The following OSBPL5 variants were observed in gnomAD, a reference collection of about 807,000 sequenced individuals.
The protein encoded by OSBPL5 is oxysterol-binding protein-related protein 5.
Under a neutral mutation model 111.2 loss-of-function variants are expected in OSBPL5, and 71 were observed. The observed-to-expected ratio is 0.64, with a 90% CI of 0.53 to 0.78. OSBPL5 has a LOEUF of 0.78. OSBPL5 is among the 30% of genes least tolerant of loss of function. The probability of loss-of-function intolerance (pLI) is 0.00; values close to 1 mark genes in which losing one functional copy is unlikely to be tolerated. For missense variants in OSBPL5, 1,210 were observed against 1,189.3 expected, an observed-to-expected ratio of 1.02 and a Z score of -0.26; for synonymous variants, 549 against 513.9, an observed-to-expected ratio of 1.07 and a Z score of -0.93.
chr11:3,122,217 G>A, intron 4 of OSBPL5, 119 bp from the exon 5 acceptor site: 1 of 1,324,628 alleles, frequency 7.5e-7, no homozygotes, highest in Non-Finnish European at 1.0e-6. Flanking sequence ...GTAGGAGGAA[G>A]TAGGGGGTGT....
rs772435122 is a variant in OSBPL5, at chr11:3,092,973, C to T, written c.2026G>A (p.Ala676Thr). ...CGCTCACGGGCCCGCTGCCGCTGTGCCTCCTCCAGTGCAAACTTCTCCTGT... is the reference window on the plus strand; with the variant it reads ...CGCTCACGGGCCCGCTGCCGCTGTGTCTCCTCCAGTGCAAACTTCTCCTGT... ...ATQEKFALEEAQRQRARERQE... is the reference protein window; with the variant it reads ...ATQEKFALEETQRQRARERQE... The change falls in exon 18 of 22, where the codon GCA becomes ACA. Residue 676 changes from alanine (A) to threonine (T), a missense_variant. Coordinates refer to ENST00000263650, the MANE Select transcript of OSBPL5 (RefSeq NM_020896.4). This position sits in a 1 kb window ranked among gnomAD's most constrained non-coding sequence, Gnocchi z 5.4. 8 of 1,601,708 alleles carry T rather than the reference C, an allele frequency of 5.0e-6. No homozygotes were observed. The South Asian group carries it at 5.7e-5, about 11-fold the overall frequency.
chr11:3,153,308 G>T (rs773405182), intron 1 of OSBPL5, among the ~76,000 whole-genome samples: 40 of 152,292 alleles, frequency 2.6e-4, no homozygotes, highest in Non-Finnish European at 5.4e-4. Flanking sequence ...ATCAAAATTA[G>T]CTGTTATAAT....
chr11:3,088,053 C>A lies in OSBPL5; in HGVS notation c.*152G>T, dbSNP rs1350467268. On this transcript the variant is annotated 3_prime_UTR_variant, in exon 22 of 22. Coordinates refer to ENST00000263650, the MANE Select transcript of OSBPL5 (RefSeq NM_020896.4). ...GGGCCCAGCACACCTGGGCCCGCAG[C>A]GCCTTGTGGCCCCGGGTCCCTCCTG... 1.0e-5 allele frequency: 6 copies of A among 601,432 alleles called. No individual in the cohort carries two copies. The highest frequency in any genetic ancestry group is 3.0e-5 in the South Asian group (1 of 33,176). 37.3% of individuals were successfully genotyped at this position (601,432 alleles called of 1,614,324 possible).
intron 17 of OSBPL5, 194 bp downstream of exon 17, chr11:3,093,333 C>T: frequency 3.2e-6 from 3 of 944,572 alleles, no homozygotes; most frequent in Non-Finnish European, 4.6e-6. Context: ...CAGCCGGCTC[C>T]TCTCCAGGCC....
intron 1 of OSBPL5, among the ~76,000 whole-genome samples, chr11:3,132,919 G>A (rs1388467407): frequency 6.6e-6 from 1 of 152,218 alleles, no homozygotes; most frequent in African/African-American, 2.4e-5. Context: ...GATTCACACA[G>A]GCTGCCTGTC....
In OSBPL5 at chr11:3,112,051, G is replaced by GCGCGCA. The variant is rs1457270348; in HGVS notation, c.692-4107_692-4106insTGCGCG. 1.3e-4 allele frequency among the ~76,000 whole-genome samples: 7 copies of GCGCGCA among 55,916 alleles called. No individual in the cohort carries two copies. In the South Asian group the frequency reaches 4.6e-3, roughly 37 times the overall value. 36.7% of individuals were successfully genotyped at this position (55,916 alleles called of 152,430 possible). A position where few individuals can be genotyped will look rare whatever the true frequency, so the allele number is the denominator to read the frequency against. The stretch of plus-strand genomic sequence containing the variant: ...TGTGTGTGTATGTGTGCGCGCATGT[G>GCGCGCA]TGTGCATGTGTATGTGTGTGTGCAT... On this transcript the variant is annotated intron_variant, in intron 7 of 21. Coordinates refer to ENST00000263650, the MANE Select transcript of OSBPL5 (RefSeq NM_020896.4).
chr11:3,129,648 T>A (rs1273089823), intron 1 of OSBPL5, among the ~76,000 whole-genome samples: 1 of 152,010 alleles, frequency 6.6e-6, no homozygotes, highest in African/African-American at 2.4e-5. Flanking sequence ...GCTGGCACGG[T>A]GTTGGGCAGT....
At position 3,094,168 on chromosome 11, in the gene OSBPL5, T is replaced by C. The variant is rs572884358; in HGVS notation, c.1719+69A>G. 6.6e-4 allele frequency: 943 copies of C among 1,438,308 alleles called. 1 individual carries two copies. Among genetic ancestry groups the C allele is most frequent in the Non-Finnish European group, 8.4e-4 (873 of 1,039,980 alleles). The allele number at this position is 1,438,308 out of a possible 1,614,324, so 89.1% of individuals were successfully genotyped here. On this transcript the variant is annotated intron_variant, in intron 15 of 21. Coordinates refer to ENST00000263650, the MANE Select transcript of OSBPL5 (RefSeq NM_020896.4). ...AACCTTCCTTGGGGCCTGGGGAGAG[T>C]GTGAGGGGGATCCCCAAGGCTTCGT...
chr11:3,157,890 C>T (rs778112456), intron 1 of OSBPL5, among the ~76,000 whole-genome samples: 4 of 152,222 alleles, frequency 2.6e-5, no homozygotes, highest in African/African-American at 4.8e-5. Context: ...CTGACATCCT[C>T]GACCACGGCA....
At chr11:3,089,244 C>T (rs1856976759) in intron 21 of OSBPL5, among the ~76,000 whole-genome samples, 1 of 152,252 alleles carries the variant, frequency 6.6e-6, no homozygotes, top group Admixed American at 6.5e-5. Flanking sequence ...CTATCAAGCC[C>T]ACTTTACAGA....
chr11:3,103,789 TTCCTGCCTCTGCAGCCCTC>T (rs1357316751), intron 10 of OSBPL5, among the ~76,000 whole-genome samples: 2,487 of 39,876 alleles, frequency 0.062, 50 homozygotes, highest in Non-Finnish European at 0.1. Context: ...CTGCAGTCCC[TTCCTGCCTCTGCAGCCCTC>T]TTCCTGCCTG....
chr11:3,107,534 T>A lies in OSBPL5; in HGVS notation c.867-79A>T. On this transcript the variant is annotated intron_variant, in intron 8 of 21. Coordinates refer to ENST00000263650, the MANE Select transcript of OSBPL5 (RefSeq NM_020896.4). The surrounding 1 kb of genome is among the most constrained non-coding windows in gnomAD (Gnocchi z 6.1). ...GCCCTCTGGGCTGCCCACCCCTCGC[T>A]GCTCCGCACTTCACATACGTTCCTG... 6.6e-7 allele frequency: 1 copy of A among 1,504,338 alleles called. No homozygotes were observed. Among genetic ancestry groups the A allele is most frequent in the Non-Finnish European group, 9.1e-7 (1 of 1,093,646 alleles). 93.2% of individuals were successfully genotyped at this position (1,504,338 alleles called of 1,614,324 possible). A position where few individuals can be genotyped will look rare whatever the true frequency, so the allele number is the denominator to read the frequency against.
At chr11:3,095,487 G>A (rs1485997109) in intron 14 of OSBPL5, among the ~76,000 whole-genome samples, 1 of 152,164 alleles carries the variant, frequency 6.6e-6, no homozygotes, top group Non-Finnish European at 1.5e-5. Context: ...AGGGCAGAAG[G>A]AAGAATACCA....
chr11:3,151,785 G>A (rs575743928), intron 1 of OSBPL5, among the ~76,000 whole-genome samples: 2 of 152,372 alleles, frequency 1.3e-5, no homozygotes, highest in Admixed American at 1.3e-4. Flanking sequence ...ACACAGCCAC[G>A]CTGTGCTGGG....
At position 3,110,356 on chromosome 11, in the gene OSBPL5, A is replaced by G. The variant is rs1346091547; in HGVS notation, c.692-2411T>C. Reference sequence around the variant, plus strand: ...CCTCAGGTTAGAGGGAGGAACGGCCAAGAGGGAATCCCTCCAGGTGGAGGA... The same window carrying G: ...CCTCAGGTTAGAGGGAGGAACGGCCGAGAGGGAATCCCTCCAGGTGGAGGA... On this transcript the variant is annotated intron_variant, in intron 7 of 21. Coordinates refer to ENST00000263650, the MANE Select transcript of OSBPL5 (RefSeq NM_020896.4). This position sits in a 1 kb window ranked among gnomAD's most constrained non-coding sequence, Gnocchi z 5.3. Among the ~76,000 whole-genome samples the G allele has an allele frequency of 6.6e-6, 1 of 152,226 alleles. No homozygotes were observed. The highest frequency in any genetic ancestry group is 1.5e-5 in the Non-Finnish European group (1 of 68,028).
rs1298181953 is a variant in OSBPL5 at position 3,109,766 on chromosome 11, C to T, written c.692-1821G>A. 2.8e-4 allele frequency among the ~76,000 whole-genome samples: 42 copies of T among 152,086 alleles called. No individual in the cohort carries two copies. Among genetic ancestry groups the T allele is most frequent in the Non-Finnish European group, 1.2e-4 (8 of 68,008 alleles). ...GGGGAGCTGGAGGGGTCACAACTGC[C>T]GAGTTGGCCCCAGGGCCTGAACACG... is the stretch of plus-strand genomic sequence containing the variant. On this transcript the variant is annotated intron_variant, in intron 7 of 21. Coordinates refer to ENST00000263650, the MANE Select transcript of OSBPL5 (RefSeq NM_020896.4). This position sits in a 1 kb window ranked among gnomAD's most constrained non-coding sequence, Gnocchi z 7.4.
Position 3,090,547 on chromosome 11 carries a change from AG to A in OSBPL5, c.2398+10del. 11 of 1,611,574 alleles carry A rather than the reference AG, an allele frequency of 6.8e-6. No homozygotes were observed. The highest frequency in any genetic ancestry group is 9.3e-6 in the Non-Finnish European group (11 of 1,178,956). On this transcript the variant is annotated intron_variant, in intron 20 of 21. Transcript: ENST00000263650. ...GACAGAGGCCTTGGGGCTGGGCCCA[AG>A]GGGGCTCACCAGGGACAAAGTCACC...
At chr11:3,152,620 C>G (rs1846625858) in intron 1 of OSBPL5, among the ~76,000 whole-genome samples, 1 of 152,196 alleles carries the variant, frequency 6.6e-6, no homozygotes, top group Non-Finnish European at 1.5e-5. Context: ...TGGGCTCGGG[C>G]TCAGGCGAGG....
rs1279454797 is a variant in OSBPL5, at chr11:3,113,975, A to G, written c.691+5572T>C. On this transcript the variant is annotated intron_variant, in intron 7 of 21. Coordinates refer to ENST00000263650, the MANE Select transcript of OSBPL5 (RefSeq NM_020896.4). The surrounding 1 kb of genome is among the most constrained non-coding windows in gnomAD (Gnocchi z 4.8). ...CCATAATTTAAATAATGACAATTGC[A>G]GTTTTTATAAATAATCTAGGTAAAT... 1.3e-5 allele frequency among the ~76,000 whole-genome samples: 2 copies of G among 152,246 alleles called. No homozygotes were observed. The highest frequency in any genetic ancestry group is 2.9e-5 in the Non-Finnish European group (2 of 68,040).
Sources: allele counts gnomAD v4.1 joint callset (sites outside exome capture counted in the v4.1 genomes callset), GRCh38; gene constraint gnomAD v4.1.1; non-coding constraint Gnocchi (gnomAD v3.1); transcripts MANE v1.5; gene names NCBI Gene and HGNC (gene_info 2026-07-23, HGNC 2026-07-21).